CCDC171: variants seen among roughly 807,000 people sequenced by gnomAD.
CCDC171 encodes coiled-coil domain containing 171.
In CCDC171, 177 loss-of-function variants were observed where a neutral mutation model predicts 168.2. The ratio of observed to expected loss-of-function variants is 1.05; its 90% CI spans 0.93 to 1.19. The LOEUF (loss-of-function observed/expected upper bound fraction) is 1.19. Ranked by LOEUF, CCDC171 falls within the 50% of genes most tolerant of loss-of-function variation. The pLI is 0.00. For synonymous variants in CCDC171, 687 were observed against 540.8 expected (o/e 1.27, Z -3.75); for missense variants, 1,991 against 1,539.0 (o/e 1.29, Z -4.91).
intron 21 of CCDC171, among the ~76,000 whole-genome samples, chr9:15,801,659 A>G (rs1219610054): frequency 1.3e-5 from 2 of 152,054 alleles, no homozygotes; most frequent in Non-Finnish European, 2.9e-5. Context: ...TATGTCATGT[A>G]ACAGTGGTGA....
Position 15,874,550 on chromosome 9 carries a change from C to A in CCDC171, c.3487C>A (p.Leu1163Met). The change falls in exon 24 of 26, where the codon CTG becomes ATG. Residue 1163 changes from leucine (L) to methionine (M), a missense_variant. By Grantham distance (15) the Leu-to-Met change is conservative. Transcript: ENST00000380701. ...CCTTTAGGTCAGAGATCAGATCTCG[C>A]TGTCATGGTCTGCGGCAAGTAGGAA... Reference protein sequence around the residue: ...TLHKVRDQISLSWSAASRNDF... With the variant: ...TLHKVRDQISMSWSAASRNDF... 6.2e-7 allele frequency: 1 copy of A among 1,604,158 alleles called. No individual in the cohort carries two copies. Among genetic ancestry groups the A allele is most frequent in the Non-Finnish European group, 8.5e-7 (1 of 1,175,520 alleles).
At chr9:15,740,065 A>C (rs1414662926) in intron 16 of CCDC171, among the ~76,000 whole-genome samples, 1 of 151,990 alleles carries the variant, frequency 6.6e-6, no homozygotes. Context: ...AAATCTGTTA[A>C]TTGATCTTCT....
chr9:15,950,643 C>G (rs763304482), intron 25 of CCDC171, among the ~76,000 whole-genome samples: 4 of 152,006 alleles, frequency 2.6e-5, no homozygotes, highest in Non-Finnish European at 4.4e-5. Flanking sequence ...TGGAAAGGAA[C>G]AACCGATACC....
chr9:16,002,602 T>C (rs1832585335), intron 3 of CCDC171, among the ~76,000 whole-genome samples: 1 of 152,186 alleles, frequency 6.6e-6, no homozygotes, highest in Non-Finnish European at 1.5e-5. Flanking sequence ...AATTTATTAT[T>C]GAAGAAAGAA....
At chr9:15,593,383 C>G (rs1372858641) in intron 5 of CCDC171, among the ~76,000 whole-genome samples, 1 of 152,126 alleles carries the variant, frequency 6.6e-6, no homozygotes, top group Non-Finnish European at 1.5e-5. Flanking sequence ...TTGCAGTACA[C>G]CTCAGAAAAC....
chr9:15,747,624 C>T lies in CCDC171; in HGVS notation c.2671+1993C>T, dbSNP rs566511381. Among the ~76,000 whole-genome samples, 124 of 152,288 alleles carry T rather than the reference C, an allele frequency of 8.1e-4. 2 individuals carry two copies. The highest frequency in any genetic ancestry group is 1.7e-3 in the South Asian group (8 of 4,824). On this transcript the variant is annotated intron_variant, in intron 18 of 25. Transcript: ENST00000380701. ...CTAGGCACACAGGGTCTGGACTGGA[C>T]GTCCAGCAAACTCCAACAGATCTGC...
At chr9:15,616,393 C>G (rs2044085900) in intron 6 of CCDC171, among the ~76,000 whole-genome samples, 1 of 151,996 alleles carries the variant, frequency 6.6e-6, no homozygotes, top group African/African-American at 2.4e-5. Context: ...CTATGATTTT[C>G]TTTTATAAAT....
intron 19 of CCDC171, among the ~76,000 whole-genome samples, chr9:15,778,264 T>TCCGCAGTCTG (rs1288522888): frequency 3.8e-5 from 5 of 130,574 alleles, no homozygotes; most frequent in Middle Eastern, 4.6e-3. Context: ...GCCACTGCAG[T>TCCGCAGTCTG]CCGCAGTCTG....
intron 21 of CCDC171, among the ~76,000 whole-genome samples, chr9:15,809,484 A>T (rs1421402224): frequency 1.3e-5 from 2 of 151,980 alleles, no homozygotes; most frequent in Non-Finnish European, 2.9e-5. Context: ...TCTGGAGTTT[A>T]TTCCTTCTGA....
chr9:15,662,226 G>A (rs531514505), intron 8 of CCDC171, among the ~76,000 whole-genome samples: 1 of 152,262 alleles, frequency 6.6e-6, no homozygotes, highest in Admixed American at 6.5e-5. Context: ...GCAGTGAGCC[G>A]AGATCGTGCC....
chr9:15,924,282 T>G (rs1825658261), intron 25 of CCDC171, among the ~76,000 whole-genome samples: 1 of 151,218 alleles, frequency 6.6e-6, no homozygotes, highest in South Asian at 2.1e-4. Flanking sequence ...TCAAATAAGT[T>G]TGGATTCAGA....
Position 15,846,835 on chromosome 9 carries a change from G to T in CCDC171, c.3401G>T (p.Arg1134Leu), listed in dbSNP as rs774394788. 38 of 1,606,020 alleles carry T rather than the reference G, an allele frequency of 2.4e-5. No individual in the cohort carries two copies. Among genetic ancestry groups the T allele is most frequent in the Non-Finnish European group, 2.9e-5 (34 of 1,175,810 alleles). ...ATCCATGATGCAGAGAGTGCCCTCCGCATGGCAGCCAAGTGAGCATTTGGA... is the reference window on the plus strand; with the variant it reads ...ATCCATGATGCAGAGAGTGCCCTCCTCATGGCAGCCAAGTGAGCATTTGGA... ...ENIHDAESALRMAAKDKECVA... is the reference protein window; with the variant it reads ...ENIHDAESALLMAAKDKECVA... Residue 1134 changes from arginine to leucine, a missense_variant, in exon 22 of 26, where the codon CGC (arginine) becomes CTC (leucine). Coordinates refer to ENST00000380701, the MANE Select transcript of CCDC171 (RefSeq NM_173550.4).
At chr9:15,728,682 A>G (rs1198013677) in intron 15 of CCDC171, among the ~76,000 whole-genome samples, 1 of 152,114 alleles carries the variant, frequency 6.6e-6, no homozygotes, top group Non-Finnish European at 1.5e-5. Flanking sequence ...GTCATAGAAA[A>G]TTACAGTGGC....
rs532512907 is a variant in CCDC171, at chr9:15,893,364, G to A, written c.3600+18701G>A. 4.3e-4 allele frequency among the ~76,000 whole-genome samples: 65 copies of A among 152,190 alleles called. 1 individual carries two copies. In the South Asian group the frequency reaches 4.8e-3, roughly 11 times the overall value. On this transcript the variant is annotated intron_variant, in intron 24 of 25. Coordinates refer to ENST00000380701, the MANE Select transcript of CCDC171 (RefSeq NM_173550.4). ...AAATCTAGGTAGTACCACTCAGGAC[G>A]TAGGCATGGGTACAGATTTCATGAT...
At chr9:16,014,995 A>G (rs1028461147) in intron 3 of CCDC171, among the ~76,000 whole-genome samples, 1 of 152,092 alleles carries the variant, frequency 6.6e-6, no homozygotes, top group African/African-American at 2.4e-5. Context: ...AACTCTTCCA[A>G]TATAAGACTG....
chr9:15,697,234 T>C (rs1455309451), intron 11 of CCDC171, among the ~76,000 whole-genome samples: 2 of 152,250 alleles, frequency 1.3e-5, no homozygotes, highest in Non-Finnish European at 2.9e-5. Flanking sequence ...ACAGTGCCTG[T>C]TGGGTGGGCC....
intron 3 of CCDC171, among the ~76,000 whole-genome samples, chr9:16,010,636 G>C (rs1832843437): frequency 6.6e-6 from 1 of 151,902 alleles, no homozygotes; most frequent in Admixed American, 6.6e-5. Flanking sequence ...ACAATATTCT[G>C]GTTGAAACAT....
the CCDC171 span, among the ~76,000 whole-genome samples, chr9:16,087,337 G>A: frequency 6.6e-6 from 1 of 152,050 alleles, no homozygotes; most frequent in African/African-American, 2.4e-5. Flanking sequence ...GGGTGTTAAA[G>A]CCTCCCACTA....
intron 9 of CCDC171, among the ~76,000 whole-genome samples, chr9:15,669,015 C>G (rs1385562808): frequency 1.3e-5 from 2 of 152,040 alleles, no homozygotes; most frequent in African/African-American, 4.8e-5. Flanking sequence ...CTGTTGTGAA[C>G]TGACGTAGCA....
Sources: allele counts gnomAD v4.1 joint callset (sites outside exome capture counted in the v4.1 genomes callset), GRCh38; gene constraint gnomAD v4.1.1; transcripts MANE v1.5; gene names NCBI Gene and HGNC (gene_info 2026-07-23, HGNC 2026-07-21).